NUP107: variants seen among roughly 807,000 people sequenced by gnomAD.
The protein encoded by NUP107 is nucleoporin 107.
Under a neutral mutation model 141.0 loss-of-function variants are expected in NUP107, and 101 were observed. The observed-to-expected ratio is 0.72, with a 90% CI of 0.61 to 0.84. The LOEUF (loss-of-function observed/expected upper bound fraction) is 0.84. Ranked by LOEUF, NUP107 falls within the 40% of genes least tolerant of loss-of-function variation. NUP107 has a pLI of 0.00. For missense variants in NUP107, 941 were observed against 1,102.7 expected, an observed-to-expected ratio of 0.85 and a Z score of 2.08; for synonymous variants, 319 against 363.9, an observed-to-expected ratio of 0.88 and a Z score of 1.41.
At position 68,713,780 on chromosome 12, in the gene NUP107, G is replaced by C. The variant is rs764683657; in HGVS notation, c.941G>C (p.Gly314Ala). The C allele has an allele frequency of 6.2e-7, 1 of 1,610,594 alleles. No individual in the cohort carries two copies. Among genetic ancestry groups the C allele is most frequent in the South Asian group, 1.1e-5 (1 of 90,190 alleles). ...LKQRQLTSYV[G>A]SVRPLVTELD... is the part of the protein sequence containing the mutation. Reference sequence around the variant, plus strand: ...CAACGGCAGCTGACTTCTTACGTTGGAAGTGTTCGTCCGCTTGTCACTGAA... The same window carrying C: ...CAACGGCAGCTGACTTCTTACGTTGCAAGTGTTCGTCCGCTTGTCACTGAA... The change falls in exon 11 of 28, where the codon GGA becomes GCA. Residue 314 changes from glycine (G) to alanine (A), a missense_variant. Gly to Ala is a moderately conservative substitution (Grantham distance 60, BLOSUM62 0). Transcript: ENST00000229179.
At chr12:68,733,978 AATTC>A (rs1464637946) in intron 24 of NUP107, among the ~76,000 whole-genome samples, 2 of 152,154 alleles carry the variant, frequency 1.3e-5, no homozygotes, top group Non-Finnish European at 2.9e-5. Flanking sequence ...ACTCATTCAA[AATTC>A]ATTCAAGGCT....
intron 4 of NUP107, 79 bp downstream of exon 4, chr12:68,690,825 A>C: frequency 7.1e-7 from 1 of 1,400,592 alleles, no homozygotes; most frequent in South Asian, 1.3e-5. Flanking sequence ...CACTCCCTGA[A>C]CTCCTGACCT....
chr12:68,693,751 A>G (rs1249517145), intron 5 of NUP107, among the ~76,000 whole-genome samples: 1 of 152,168 alleles, frequency 6.6e-6, no homozygotes, highest in African/African-American at 2.4e-5. Flanking sequence ...GCATCTTGCC[A>G]TTTTATCTTT....
chr12:68,715,413 G>C (rs1461966705), intron 11 of NUP107, among the ~76,000 whole-genome samples: 1 of 152,160 alleles, frequency 6.6e-6, no homozygotes, highest in Non-Finnish European at 1.5e-5. Flanking sequence ...AGAATTGCTT[G>C]AACAGAGGAG....
In NUP107 at chr12:68,725,750, A is replaced by G. The variant is rs758953980; in HGVS notation, c.1530A>G (p.Glu510=). ...AGAGAGTTCTGGAAGAGAATCAAGA[A>G]CATTATCATATAGTTCAAAAGTTTC... The part of the protein sequence containing the change: ...DKKRVLEENQ[E]HYHIVQKFLI... The change falls in exon 18 of 28, where the codon GAA becomes GAG. Residue 510 remains glutamate, a synonymous_variant. Transcript: ENST00000229179. 1.3e-6 allele frequency: 2 copies of G among 1,534,686 alleles called. No homozygotes were observed. The highest frequency in any genetic ancestry group is 1.2e-5 in the South Asian group (1 of 83,580).
At position 68,715,781 on chromosome 12, in the gene NUP107, A is replaced by G. The variant is rs141369588; in HGVS notation, c.1083+41A>G. ...CCTTCTTGTCTAATTTCAAAAAGTC[A>G]TAGACTCTTTGAGTTGGAAGAGATT... is the stretch of plus-strand genomic sequence containing the variant. On this transcript the variant is annotated intron_variant, in intron 12 of 27. Coordinates refer to ENST00000229179, the MANE Select transcript of NUP107 (RefSeq NM_020401.4). 3.8e-4 allele frequency: 483 copies of G among 1,260,050 alleles called. 3 individuals carry two copies. In the East Asian group the frequency reaches 9.3e-3, roughly 24 times the overall value. The allele number at this position is 1,260,050 out of a possible 1,614,324, so 78.1% of individuals were successfully genotyped here.
At chr12:68,692,987 T>G (rs1026538863) in intron 5 of NUP107, among the ~76,000 whole-genome samples, 1 of 152,052 alleles carries the variant, frequency 6.6e-6, no homozygotes, top group Non-Finnish European at 1.5e-5. Flanking sequence ...TGACCATGGG[T>G]GATCCACCCG....
intron 5 of NUP107, among the ~76,000 whole-genome samples, chr12:68,694,481 A>C (rs1252393608): frequency 6.6e-6 from 1 of 152,260 alleles, no homozygotes; most frequent in East Asian, 1.9e-4. Context: ...GTGAAAAGGC[A>C]ACCCACAGAA....
rs1878391563 is a variant in NUP107 at position 68,743,167 on chromosome 12, GCAGGTGGATCAC to G, written c.*707_*718del. The G allele has an allele frequency of 6.6e-6, 1 of 152,282 alleles. No individual in the cohort carries two copies. The highest frequency in any genetic ancestry group is 1.5e-5 in the Non-Finnish European group (1 of 68,100). 9.4% of individuals were successfully genotyped at this position (152,282 alleles called of 1,614,324 possible). A position where few individuals can be genotyped will look rare whatever the true frequency, so the allele number is the denominator to read the frequency against. ...AACCCCAGCACTTCGGGAGGCCGAG[GCAGGTGGATCAC>G]CTGTCGTCAGGAGTTTGAGACCAGC... On this transcript the variant is annotated 3_prime_UTR_variant, in exon 28 of 28. Coordinates refer to ENST00000229179, the MANE Select transcript of NUP107 (RefSeq NM_020401.4).
chr12:68,687,403 A>G (rs1592486947), intron 1 of NUP107: 2 of 1,096,298 alleles, frequency 1.8e-6, no homozygotes, highest in South Asian at 6.7e-5. Flanking sequence ...GCCTGAGATC[A>G]CAAAGCCAGT....
chr12:68,710,140 GTTCA>G (rs761201041), intron 10 of NUP107, 47 bp downstream of exon 10: 2 of 942,340 alleles, frequency 2.1e-6, no homozygotes. Context: ...TGTTGATATT[GTTCA>G]TTCATCTTTC....
rs760753262 is a variant in NUP107, at chr12:68,731,153, C to T, written c.1778C>T (p.Thr593Ile). The change falls in exon 21 of 28, where the codon ACC (threonine) becomes ATC (isoleucine). Residue 593 changes from threonine to isoleucine, a missense_variant. Thr to Ile is a moderately conservative substitution (Grantham distance 89). Coordinates refer to ENST00000229179, the MANE Select transcript of NUP107 (RefSeq NM_020401.4). ...EKHTNLIAFYTCHLPQDLAVA... is the reference protein window; with the variant it reads ...EKHTNLIAFYICHLPQDLAVA... ...CATACAAATCTTATAGCATTTTATA[C>T]CTGTCATTTGCCTCAAGACCTAGCT... 3 of 1,608,414 alleles carry T rather than the reference C, an allele frequency of 1.9e-6. No homozygotes were observed. The South Asian group carries it at 3.3e-5, about 18-fold the overall frequency.
intron 20 of NUP107, among the ~76,000 whole-genome samples, chr12:68,729,729 C>T (rs1000857176): frequency 1.3e-4 from 20 of 151,628 alleles, no homozygotes; most frequent in African/African-American, 4.8e-4. Context: ...AGGTGTGAGC[C>T]ACTGGCCTAC....
intron 8 of NUP107, among the ~76,000 whole-genome samples, chr12:68,707,296 C>A (rs1176008884): frequency 7.0e-6 from 1 of 143,682 alleles, no homozygotes; most frequent in Non-Finnish European, 1.6e-5. Context: ...GCTCTGCCAA[C>A]TGTCAAAAAA....
chr12:68,706,834 T>C (rs1225364044), intron 8 of NUP107: 23 of 758,496 alleles, frequency 3.0e-5, no homozygotes, highest in Non-Finnish European at 5.6e-5. Flanking sequence ...AGCTGGAGTC[T>C]GGGATGCAGA....
intron 11 of NUP107, 25 bp downstream of exon 11, chr12:68,713,833 T>A: frequency 1.3e-6 from 2 of 1,570,792 alleles, no homozygotes; most frequent in Non-Finnish European, 1.7e-6. Flanking sequence ...AAATGAAAGT[T>A]GCCTTCAAAG....
At chr12:68,722,180 A>G in intron 17 of NUP107, 28 bp downstream of exon 17, 1 of 1,593,212 alleles carries the variant, frequency 6.3e-7, no homozygotes, top group Non-Finnish European at 8.6e-7. Flanking sequence ...TATGTTAGGT[A>G]TCTGGAATAG....
At chr12:68,741,681 C>T in intron 26 of NUP107, 132 bp from the exon 27 acceptor site, 2 of 675,846 alleles carry the variant, frequency 3.0e-6, no homozygotes, top group South Asian at 2.2e-5. Context: ...CTACGTTGTT[C>T]ATCTTCATAC....
chr12:68,735,227 G>A lies in NUP107; in HGVS notation c.2389-4G>A. ...TATATGTCTGCCTTGTGTTTGTTTT[G>A]CAGATGGATTTTGGTATTTGGAAAG... On this transcript the variant is annotated splice_polypyrimidine_tract_variant and splice_region_variant and intron_variant, in intron 25 of 27. Coordinates refer to ENST00000229179, the MANE Select transcript of NUP107 (RefSeq NM_020401.4). 1 of 1,588,612 alleles carries A rather than the reference G, an allele frequency of 6.3e-7. No homozygotes were observed. The highest frequency in any genetic ancestry group is 8.6e-7 in the Non-Finnish European group (1 of 1,156,976).
Sources: allele counts gnomAD v4.1 joint callset (sites outside exome capture counted in the v4.1 genomes callset), GRCh38; gene constraint gnomAD v4.1.1; transcripts MANE v1.5; gene names NCBI Gene and HGNC (gene_info 2026-07-23, HGNC 2026-07-21).